VIPR2: variants seen among roughly 807,000 people sequenced by gnomAD.
VIPR2 encodes vasoactive intestinal polypeptide receptor 2.
In VIPR2, 48 loss-of-function variants were observed where a neutral mutation model predicts 58.0. The ratio of observed to expected loss-of-function variants is 0.83; its 90% CI spans 0.66 to 1.05. The LOEUF (loss-of-function observed/expected upper bound fraction) is 1.05. Among genes scored for constraint, VIPR2 ranks in the 50% least tolerant of loss-of-function variants. The pLI is 0.00. For missense variants in VIPR2, 534 were observed against 558.0 expected (o/e 0.96, Z 0.43); for synonymous variants, 243 against 235.2 (o/e 1.03, Z -0.30).
chr7:159,030,618 A>G lies in VIPR2; in HGVS notation c.1315T>C (p.Ter439GlnextTer41). The change falls in exon 13 of 13, where the codon TAG (stop) becomes CAG (glutamine). Residue 439 changes from the stop codon to glutamine, a stop_lost. Transcript: ENST00000262178. The part of the protein sequence containing the change: ...SFLQTETSVI[*>Q] ...GCGTCCGACAGGCAGGGGTGGGGCTAGATGACCGAGGTCTCCGTTTGCAGG... is the reference window on the plus strand; with the variant it reads ...GCGTCCGACAGGCAGGGGTGGGGCTGGATGACCGAGGTCTCCGTTTGCAGG... The G allele has an allele frequency of 6.5e-7, 1 of 1,541,738 alleles. No homozygotes were observed. Among genetic ancestry groups the G allele is most frequent in the South Asian group, 1.2e-5 (1 of 82,680 alleles).
intron 2 of VIPR2, among the ~76,000 whole-genome samples, chr7:159,130,150 T>G (rs1796839674): frequency 6.6e-6 from 1 of 152,234 alleles, no homozygotes. Flanking sequence ...AGAGACCTGA[T>G]TTAACCATAC....
chr7:159,124,949 T>A (rs1585547184), intron 2 of VIPR2, among the ~76,000 whole-genome samples: 1 of 152,288 alleles, frequency 6.6e-6, no homozygotes, highest in Non-Finnish European at 1.5e-5. Context: ...CTGTTGTTGG[T>A]ATATAGAAAT....
At chr7:159,063,511 C>T (rs1335076888) in intron 4 of VIPR2, among the ~76,000 whole-genome samples, 1 of 151,996 alleles carries the variant, frequency 6.6e-6, no homozygotes, top group African/African-American at 2.4e-5. Flanking sequence ...CCGCGCCTCT[C>T]CCTCCACACC....
chr7:159,136,184 G>A (rs1455135281), intron 2 of VIPR2, among the ~76,000 whole-genome samples: 3 of 152,180 alleles, frequency 2.0e-5, no homozygotes, highest in African/African-American at 7.2e-5. Context: ...TGGCTTTCTT[G>A]CTGGCGGGGA....
At chr7:159,063,174 C>T (rs1310982836) in intron 4 of VIPR2, among the ~76,000 whole-genome samples, 2 of 152,138 alleles carry the variant, frequency 1.3e-5, no homozygotes, top group Middle Eastern at 3.2e-3. Context: ...GGACCAGGTG[C>T]CGCGGAGCAG....
Position 159,135,004 on chromosome 7 carries a change from G to GTTTTTTT in VIPR2, c.151+7435_151+7441dup, listed in dbSNP as rs747914292. 1.8e-3 allele frequency among the ~76,000 whole-genome samples: 119 copies of GTTTTTTT among 65,942 alleles called. 8 individuals carry two copies. The highest frequency in any genetic ancestry group is 2.3e-3 in the African/African-American group (36 of 15,376). 43.3% of individuals were successfully genotyped at this position (65,942 alleles called of 152,430 possible). A position where few individuals can be genotyped will look rare whatever the true frequency, so the allele number is the denominator to read the frequency against. On this transcript the variant is annotated intron_variant, in intron 2 of 12. Coordinates refer to ENST00000262178, the MANE Select transcript of VIPR2 (RefSeq NM_003382.5). ...TATTGGTCTTCTCTTAATTACAAAA[G>GTTTTTTT]TTTTTTTTTTTTTTTTTTTTTTTTT...
Position 159,036,769 on chromosome 7 carries a change from T to C in VIPR2, c.731A>G (p.Tyr244Cys). 1 of 1,613,042 alleles carries C rather than the reference T, an allele frequency of 6.2e-7. No individual in the cohort carries two copies. The highest frequency in any genetic ancestry group is 8.5e-7 in the Non-Finnish European group (1 of 1,179,646). The change falls in exon 7 of 13, where the codon TAC becomes TGC. Residue 244 changes from tyrosine (Y) to cysteine (C), a missense_variant. Physicochemically the swap from Tyr to Cys is radical, Grantham distance 194 (BLOSUM62 -2). Coordinates refer to ENST00000262178, the MANE Select transcript of VIPR2 (RefSeq NM_003382.5). Reference sequence around the variant, plus strand: ...ACACTTACCCCATCCGATCAGGAGGTAGGCCAGGAAGCACCTTCTAGGGGG... The same window carrying C: ...ACACTTACCCCATCCGATCAGGAGGCAGGCCAGGAAGCACCTTCTAGGGGG... ...MLPPRRCFLA[Y>C]LLIGWGLPTV...
intron 4 of VIPR2, 87 bp downstream of exon 4, chr7:159,103,670 T>C (rs776482569): frequency 1.4e-5 from 14 of 1,032,718 alleles, no homozygotes; most frequent in Non-Finnish European, 1.8e-5. Flanking sequence ...GGGAAAAATC[T>C]ACATAATTCT....
At chr7:159,085,438 G>A (rs1403449773) in intron 4 of VIPR2, among the ~76,000 whole-genome samples, 1 of 152,190 alleles carries the variant, frequency 6.6e-6, no homozygotes, top group East Asian at 1.9e-4. Flanking sequence ...TGGAACTACA[G>A]GCACGTGCCA....
intron 4 of VIPR2, among the ~76,000 whole-genome samples, chr7:159,060,022 C>T (rs1416324087): frequency 1.3e-5 from 2 of 150,842 alleles, no homozygotes; most frequent in African/African-American, 4.9e-5. Context: ...ATCAACTCAT[C>T]CAACCCATCC....
In VIPR2 at chr7:159,031,352, G is replaced by C; in HGVS notation, c.1143+476C>G. The stretch of plus-strand genomic sequence containing the variant: ...GGTCAGGGGTCAGGGGACGGGGCCA[G>C]GCCGTTGGAGCAGCCCGGAGACAGC... On this transcript the variant is annotated intron_variant, in intron 12 of 12. Coordinates refer to ENST00000262178, the MANE Select transcript of VIPR2 (RefSeq NM_003382.5). The surrounding 1 kb of genome is among the most constrained non-coding windows in gnomAD (Gnocchi z 4.0). The C allele has an allele frequency of 1.6e-5, 14 of 866,690 alleles. No individual in the cohort carries two copies. Among genetic ancestry groups the C allele is most frequent in the Non-Finnish European group, 1.9e-5 (14 of 721,450 alleles). 53.7% of individuals were successfully genotyped at this position (866,690 alleles called of 1,614,324 possible).
In VIPR2 at chr7:159,035,504, G is replaced by C. The variant is rs576053683; in HGVS notation, c.809+448C>G. Among the ~76,000 whole-genome samples the C allele has an allele frequency of 2.0e-5, 3 of 152,368 alleles. No homozygotes were observed. The South Asian group carries it at 6.2e-4, about 32-fold the overall frequency. On this transcript the variant is annotated intron_variant, in intron 8 of 12. Coordinates refer to ENST00000262178, the MANE Select transcript of VIPR2 (RefSeq NM_003382.5). ...CACGCGTGCTCATGTCTGGGCCGTG[G>C]TCTCGCTCAGGGAGAGCATAGTGGA... is the stretch of plus-strand genomic sequence containing the variant.
chr7:159,030,825 T>A (rs147382877), intron 12 of VIPR2, 36 bp from the exon 13 acceptor site: 24,775 of 1,498,510 alleles, frequency 0.017, 225 homozygotes, highest in Non-Finnish European at 0.019. Flanking sequence ...CCCGTGAGCC[T>A]GGGCAGGTGC....
At chr7:159,060,247 A>C (rs1855567308) in intron 4 of VIPR2, among the ~76,000 whole-genome samples, 1 of 135,540 alleles carries the variant, frequency 7.4e-6, no homozygotes, top group Non-Finnish European at 1.6e-5. Context: ...AACCACCCCC[A>C]CTCACCTCGC....
chr7:159,066,071 C>T (rs185840887), intron 4 of VIPR2, among the ~76,000 whole-genome samples: 6 of 150,402 alleles, frequency 4.0e-5, no homozygotes, highest in African/African-American at 1.5e-4. Context: ...GCAGCGTCCG[C>T]GGGATTCCAG....
In VIPR2 at chr7:159,030,634, C is replaced by T; in HGVS notation, c.1299G>A (p.Thr433=). 2 of 1,551,318 alleles carry T rather than the reference C, an allele frequency of 1.3e-6. No homozygotes were observed. The highest frequency in any genetic ancestry group is 8.7e-7 in the Non-Finnish European group (1 of 1,148,716). ...GGTGGGGCTAGATGACCGAGGTCTC[C>T]GTTTGCAGGAAGGACTGGGCGCGGG... ...RGSRAQSFLQ[T]ETSVI is the part of the protein sequence containing the mutation. Residue 433 remains threonine (T), a synonymous_variant, in exon 13 of 13, where the codon ACG becomes ACA. Coordinates refer to ENST00000262178, the MANE Select transcript of VIPR2 (RefSeq NM_003382.5).
chr7:159,063,893 GGGGGA>G (rs1855911168), intron 4 of VIPR2, among the ~76,000 whole-genome samples: 1 of 132,252 alleles, frequency 7.6e-6, no homozygotes, highest in Non-Finnish European at 1.7e-5. Flanking sequence ...GGGGGTCCTG[GGGGGA>G]TCTGGGGTTC....
Position 159,053,381 on chromosome 7 carries a change from G to A in VIPR2, c.455+5100C>T, listed in dbSNP as rs116038716. On this transcript the variant is annotated intron_variant, in intron 5 of 12. Transcript: ENST00000262178. ...TAAATTATGTGTAAGACTTCCACTC[G>A]GAAAATCATAAAACACTGAGAAATT... Among the ~76,000 whole-genome samples the A allele has an allele frequency of 5.9e-3, 903 of 151,944 alleles. 10 individuals are homozygous for A. The highest frequency in any genetic ancestry group is 0.02 in the African/African-American group (832 of 41,428).
intron 2 of VIPR2, among the ~76,000 whole-genome samples, chr7:159,116,063 C>T (rs1229790012): frequency 6.6e-6 from 1 of 152,240 alleles, no homozygotes; most frequent in African/African-American, 2.4e-5. Context: ...GTGACCTGTG[C>T]TGACCCCTCG....
Sources: gnomAD v4.1 joint callset for allele counts (sites outside exome capture counted in the v4.1 genomes callset) on GRCh38, gnomAD v4.1.1 for gene constraint, Gnocchi (gnomAD v3.1) non-coding constraint, MANE v1.5 for transcripts, NCBI Gene and HGNC (gene_info 2026-07-23, HGNC 2026-07-21) for gene names.